SPIDR: variants seen among roughly 807,000 people sequenced by gnomAD.
SPIDR encodes DNA repair-scaffolding protein.
A neutral mutation model predicts 104.6 loss-of-function variants in SPIDR; 93 were observed. That is an observed-to-expected ratio of 0.89 (90% CI 0.75 to 1.06). SPIDR has a LOEUF of 1.06. SPIDR is among the 50% of genes least tolerant of loss of function. SPIDR has a pLI of 0.00. For missense variants in SPIDR, 1,154 were observed against 1,111.2 expected, an observed-to-expected ratio of 1.04 and a Z score of -0.55; for synonymous variants, 431 against 416.9, an observed-to-expected ratio of 1.03 and a Z score of -0.41.
intron 10 of SPIDR, among the ~76,000 whole-genome samples, chr8:47,669,465 G>C (rs185791253): frequency 1.2e-4 from 19 of 152,208 alleles, no homozygotes; most frequent in Non-Finnish European, 5.9e-5. Context: ...CAGAGTGGGA[G>C]AGCATGTGTG....
intron 17 of SPIDR, 56 bp downstream of exon 17, chr8:47,727,349 C>G: frequency 6.5e-7 from 1 of 1,534,292 alleles, no homozygotes; most frequent in Non-Finnish European, 9.0e-7. Context: ...ACAGAAGCAA[C>G]CCAGCCCCAG....
At chr8:47,575,688 G>T (rs992519234) in intron 8 of SPIDR, among the ~76,000 whole-genome samples, 1 of 148,448 alleles carries the variant, frequency 6.7e-6, no homozygotes, top group Non-Finnish European at 1.5e-5. Flanking sequence ...TCGGCCAGGC[G>T]CAGTGGCTCA....
intron 8 of SPIDR, among the ~76,000 whole-genome samples, chr8:47,559,558 C>T (rs762988926): frequency 6.6e-6 from 1 of 152,142 alleles, no homozygotes; most frequent in Non-Finnish European, 1.5e-5. Context: ...ATTGTATGTT[C>T]GTCTTTGTAG....
At chr8:47,512,344 G>T in intron 8 of SPIDR, among the ~76,000 whole-genome samples, 1 of 152,184 alleles carries the variant, frequency 6.6e-6, no homozygotes, top group Non-Finnish European at 1.5e-5. Context: ...TGCCTATGGT[G>T]ATTGGTCCAC....
At chr8:47,397,140 C>G (rs1174273233) in intron 6 of SPIDR, among the ~76,000 whole-genome samples, 2 of 151,960 alleles carry the variant, frequency 1.3e-5, no homozygotes, top group African/African-American at 4.8e-5. Context: ...CTTCCCCAAC[C>G]CCGTGTAATA....
chr8:47,680,452 A>G (rs1589131404), intron 11 of SPIDR, among the ~76,000 whole-genome samples: 1 of 152,154 alleles, frequency 6.6e-6, no homozygotes, highest in African/African-American at 2.4e-5. Context: ...GGGGTACACC[A>G]AAGTGCTGGA....
intron 5 of SPIDR, among the ~76,000 whole-genome samples, chr8:47,316,868 A>C (rs1277697225): frequency 6.6e-6 from 1 of 152,202 alleles, no homozygotes; most frequent in Non-Finnish European, 1.5e-5. Flanking sequence ...ATTAATAGAA[A>C]TATACATTGA....
At chr8:47,611,346 G>A (rs1396777599) in intron 10 of SPIDR, among the ~76,000 whole-genome samples, 10 of 152,082 alleles carry the variant, frequency 6.6e-5, no homozygotes, top group Admixed American at 6.6e-4. Flanking sequence ...GCACAAGGAG[G>A]GACACTTAGG....
chr8:47,530,509 C>T (rs528008817), intron 8 of SPIDR, among the ~76,000 whole-genome samples: 1 of 152,088 alleles, frequency 6.6e-6, no homozygotes, highest in South Asian at 2.1e-4. Flanking sequence ...ACATAGAAAA[C>T]GTACAGTAAA....
chr8:47,513,649 T>C lies in SPIDR; in HGVS notation c.1097+73107T>C, dbSNP rs1336678257. Among the ~76,000 whole-genome samples, 5 of 152,312 alleles carry C rather than the reference T, an allele frequency of 3.3e-5. No homozygotes were observed. The East Asian group carries it at 9.7e-4, about 29-fold the overall frequency. On this transcript the variant is annotated intron_variant, in intron 8 of 19. Transcript: ENST00000297423. ...TCTGGAGAAGTGCTGACTCATAGTATACAGTGGACTGATCCAGCAACAGTA... is the reference window on the plus strand; with the variant it reads ...TCTGGAGAAGTGCTGACTCATAGTACACAGTGGACTGATCCAGCAACAGTA...
chr8:47,684,532 C>G (rs2077504060), intron 11 of SPIDR, among the ~76,000 whole-genome samples: 1 of 152,182 alleles, frequency 6.6e-6, no homozygotes. Context: ...CCTTAGTTAT[C>G]AACAAGGATA....
chr8:47,653,785 A>G (rs532189955), intron 10 of SPIDR, among the ~76,000 whole-genome samples: 1 of 152,308 alleles, frequency 6.6e-6, no homozygotes, highest in East Asian at 1.9e-4. Context: ...CCTGCCTTCA[A>G]GAAACTTCCA....
At chr8:47,287,232 TAAAGATCACAAGGCAAAGGGCAAAGC>T (rs1586366493) in intron 3 of SPIDR, among the ~76,000 whole-genome samples, 83 of 150,186 alleles carry the variant, frequency 5.5e-4, no homozygotes, top group African/African-American at 1.7e-3. Flanking sequence ...CTGAGGCCAA[TAAAGATCACAAGGCAAAGGGCAAAGC>T]AAAGATCACA....
At chr8:47,624,789 G>C (rs2065773985) in intron 10 of SPIDR, among the ~76,000 whole-genome samples, 1 of 152,128 alleles carries the variant, frequency 6.6e-6, no homozygotes, top group South Asian at 2.1e-4. Flanking sequence ...TGGATTCAAA[G>C]CCGAATTCTA....
At chr8:47,699,245 G>A (rs1400298768) in intron 11 of SPIDR, among the ~76,000 whole-genome samples, 1 of 152,222 alleles carries the variant, frequency 6.6e-6, no homozygotes, top group East Asian at 1.9e-4. Context: ...AGAAACCTTA[G>A]TAGGTGCTGC....
chr8:47,486,450 T>G (rs2077631090), intron 8 of SPIDR, among the ~76,000 whole-genome samples: 2 of 152,164 alleles, frequency 1.3e-5, no homozygotes, highest in Admixed American at 1.3e-4. Context: ...CCAGGAGAAC[T>G]TCCCCAACCT....
intron 12 of SPIDR, 103 bp from the exon 13 acceptor site, chr8:47,701,618 G>A (rs1161041098): frequency 2.5e-6 from 3 of 1,181,906 alleles, no homozygotes; most frequent in Non-Finnish European, 3.6e-6. Flanking sequence ...GGATGCACCT[G>A]TAAGCAAATA....
intron 6 of SPIDR, among the ~76,000 whole-genome samples, chr8:47,402,340 G>T (rs1554663762): frequency 6.6e-6 from 1 of 152,128 alleles, no homozygotes; most frequent in Admixed American, 6.6e-5. Flanking sequence ...CAGAAGGCAA[G>T]AAATAACTAA....
At chr8:47,435,760 T>G (rs1266320773) in intron 7 of SPIDR, among the ~76,000 whole-genome samples, 1 of 152,238 alleles carries the variant, frequency 6.6e-6, no homozygotes, top group Non-Finnish European at 1.5e-5. Context: ...TGAAACATTG[T>G]CTGTCTGTGC....
Sources: gnomAD v4.1 joint callset for allele counts (sites outside exome capture counted in the v4.1 genomes callset) on GRCh38, gnomAD v4.1.1 for gene constraint, MANE v1.5 for transcripts, NCBI Gene and HGNC (gene_info 2026-07-23, HGNC 2026-07-21) for gene names.